MICAL2: variants seen among roughly 807,000 people sequenced by gnomAD.
The protein encoded by MICAL2 is microtubule associated monooxygenase, calponin and LIM domain containing 2.
Under a neutral mutation model 127.3 loss-of-function variants are expected in MICAL2, and 77 were observed. That is an observed-to-expected ratio of 0.60 (90% CI 0.50 to 0.73). MICAL2 has a LOEUF of 0.73. Among genes scored for constraint, MICAL2 ranks in the 30% least tolerant of loss-of-function variants. The pLI, the probability that MICAL2 is intolerant of heterozygous loss-of-function variation, is 0.00. For synonymous variants in MICAL2, 570 were observed against 551.1 expected, an observed-to-expected ratio of 1.03 and a Z score of -0.48; for missense variants, 1,351 against 1,434.4, an observed-to-expected ratio of 0.94 and a Z score of 0.94.
chr11:12,268,126 G>A (rs1013040498), downstream of MICAL2, among the ~76,000 whole-genome samples: 8 of 152,256 alleles, frequency 5.3e-5, 1 homozygote, highest in Admixed American at 2.6e-4. Context: ...GGCTGGGGAA[G>A]GTCTGGCTGG....
intron 2 of MICAL2, among the ~76,000 whole-genome samples, chr11:12,159,014 TG>T (rs1230943121): frequency 6.6e-6 from 1 of 152,176 alleles, no homozygotes; most frequent in Non-Finnish European, 1.5e-5. Flanking sequence ...AGGTCCAGGG[TG>T]GCAAGTCTGA....
At chr11:12,355,064 T>C (rs1461284811) in intron 34 of MICAL2, among the ~76,000 whole-genome samples, 3 of 152,146 alleles carry the variant, frequency 2.0e-5, no homozygotes, top group Non-Finnish European at 4.4e-5. Context: ...CTTTCCCCCA[T>C]CCCAAGTGGC....
intron 32 of MICAL2, among the ~76,000 whole-genome samples, chr11:12,328,443 C>T (rs143625819): frequency 4.7e-4 from 71 of 152,160 alleles, no homozygotes; most frequent in African/African-American, 1.7e-3. Context: ...AAGAGTTAAC[C>T]AGTAAAGAGG....
chr11:12,203,689 T>C (rs1854312476), intron 3 of MICAL2, among the ~76,000 whole-genome samples: 1 of 152,250 alleles, frequency 6.6e-6, no homozygotes, highest in Non-Finnish European at 1.5e-5. Context: ...GATGTGCAAC[T>C]ATTTTCTCCC....
intron 31 of MICAL2, among the ~76,000 whole-genome samples, chr11:12,324,225 T>G (rs1431240560): frequency 1.3e-5 from 2 of 152,144 alleles, no homozygotes; most frequent in Non-Finnish European, 2.9e-5. Context: ...GTGGCCGTTT[T>G]AAAGAGGCTC....
At chr11:12,303,952 G>A (rs1218065224) in intron 29 of MICAL2, among the ~76,000 whole-genome samples, 1 of 152,076 alleles carries the variant, frequency 6.6e-6, no homozygotes, top group Non-Finnish European at 1.5e-5. Flanking sequence ...GATCACTTAA[G>A]ACCAGGAGGT....
chr11:12,272,031 G>A (rs111336634), upstream of MICAL2, among the ~76,000 whole-genome samples: 52 of 152,304 alleles, frequency 3.4e-4, no homozygotes, highest in Middle Eastern at 3.4e-3. Flanking sequence ...TCTGTCAGCC[G>A]TGCCCTCCAC....
intron 2 of MICAL2, among the ~76,000 whole-genome samples, chr11:12,146,007 G>A (rs1016045566): frequency 6.6e-5 from 10 of 152,102 alleles, no homozygotes; most frequent in Non-Finnish European, 1.3e-4. Flanking sequence ...TTTAGAAATC[G>A]TGATGTGTAG....
intron 29 of MICAL2, among the ~76,000 whole-genome samples, chr11:12,308,798 T>C (rs978394794): frequency 6.6e-5 from 10 of 152,202 alleles, no homozygotes; most frequent in African/African-American, 2.4e-4. Flanking sequence ...GTGTACACCA[T>C]TGTCTCTTTC....
At chr11:12,271,076 T>C (rs2134750927) in intron 24 of MICAL2, among the ~76,000 whole-genome samples, 1 of 152,256 alleles carries the variant, frequency 6.6e-6, no homozygotes, top group Non-Finnish European at 1.5e-5. Flanking sequence ...GGCTCATAGG[T>C]AGGCCTTGGA....
At chr11:12,227,227 A>G (rs1411310815) in intron 15 of MICAL2, 96 bp downstream of exon 15, 1 of 879,018 alleles carries the variant, frequency 1.1e-6, no homozygotes, top group Non-Finnish European at 1.8e-6. Context: ...TGAGGCTAGT[A>G]AGTTACATGG....
At chr11:12,307,109 T>A (rs1238231970) in intron 29 of MICAL2, among the ~76,000 whole-genome samples, 2 of 152,218 alleles carry the variant, frequency 1.3e-5, no homozygotes, top group Admixed American at 6.5e-5. Flanking sequence ...TGCTAACACT[T>A]GACATTGTCA....
intron 2 of MICAL2, among the ~76,000 whole-genome samples, 166 bp downstream of exon 2, chr11:12,138,626 C>T (rs951669791): frequency 4.6e-5 from 7 of 152,308 alleles, no homozygotes; most frequent in East Asian, 1.9e-4. Flanking sequence ...ACTCCCCTAG[C>T]GCTGTGTTCT....
chr11:12,318,055 TTTA>T (rs1864250511), intron 29 of MICAL2, among the ~76,000 whole-genome samples: 2 of 152,320 alleles, frequency 1.3e-5, no homozygotes, highest in South Asian at 4.1e-4. Flanking sequence ...GTATTGTTAT[TTTA>T]GATCAGTGAT....
chr11:12,177,674 T>A (rs1050029748), intron 3 of MICAL2, among the ~76,000 whole-genome samples: 4 of 152,222 alleles, frequency 2.6e-5, no homozygotes, highest in Non-Finnish European at 5.9e-5. Context: ...TTTTTGTATA[T>A]GGGGTGAGGT....
intron 29 of MICAL2, among the ~76,000 whole-genome samples, chr11:12,307,466 T>A (rs1467648203): frequency 6.6e-6 from 1 of 152,226 alleles, no homozygotes; most frequent in Non-Finnish European, 1.5e-5. Flanking sequence ...CTTTTATAAT[T>A]TGAGTTATAG....
chr11:12,148,428 C>A (rs1295283144), intron 2 of MICAL2, among the ~76,000 whole-genome samples: 2 of 152,110 alleles, frequency 1.3e-5, no homozygotes, highest in Non-Finnish European at 2.9e-5. Context: ...TGTACAAGGG[C>A]TGTAGGGAGC....
intron 15 of MICAL2, among the ~76,000 whole-genome samples, chr11:12,227,957 A>T (rs1419003482): frequency 6.6e-6 from 1 of 152,220 alleles, no homozygotes; most frequent in African/African-American, 2.4e-5. Flanking sequence ...AGGAGCAGTG[A>T]CAGTTTTGTG....
At chr11:12,357,149 C>T (rs1371212864) in intron 34 of MICAL2, among the ~76,000 whole-genome samples, 2 of 152,206 alleles carry the variant, frequency 1.3e-5, no homozygotes, top group African/African-American at 2.4e-5. Context: ...GACCTCAGAG[C>T]TAAGCCTGAT....
Sources: gnomAD v4.1 joint callset for allele counts (sites outside exome capture counted in the v4.1 genomes callset) on GRCh38, gnomAD v4.1.1 for gene constraint, MANE v1.5 for transcripts, NCBI Gene and HGNC (gene_info 2026-07-23, HGNC 2026-07-21) for gene names.